CLYBL: variants seen among roughly 807,000 people sequenced by gnomAD.
The protein encoded by CLYBL is citramalyl-CoA lyase, also known as citramalyl-CoA lyase, mitochondrial.
In CLYBL, 31 loss-of-function variants were observed where a neutral mutation model predicts 38.9. The observed-to-expected ratio is 0.80, with a 90% confidence interval of 0.60 to 1.08. CLYBL has a LOEUF of 1.08. Among genes scored for constraint, CLYBL ranks in the 50% least tolerant of loss-of-function variants. CLYBL has a pLI of 0.00. For synonymous variants in CLYBL, 171 were observed against 158.6 expected (o/e 1.08, Z -0.59); for missense variants, 434 against 411.6 (o/e 1.05, Z -0.47).
chr13:99,800,310 G>T (rs969714721), intron 2 of CLYBL, among the ~76,000 whole-genome samples: 1 of 152,214 alleles, frequency 6.6e-6, no homozygotes, highest in Admixed American at 6.5e-5. Context: ...TTTTTGGGGA[G>T]AAATTTAAGG....
At chr13:99,846,579 A>G (rs1042863774) in intron 2 of CLYBL, among the ~76,000 whole-genome samples, 18 of 152,226 alleles carry the variant, frequency 1.2e-4, no homozygotes, top group Admixed American at 6.5e-5. Context: ...GCTGCTGAAT[A>G]TAAAGAATCC....
intron 1 of CLYBL, among the ~76,000 whole-genome samples, chr13:99,746,963 G>A (rs536349607): frequency 1.3e-4 from 20 of 152,282 alleles, no homozygotes; most frequent in South Asian, 1.0e-3. Context: ...GATGCTAATC[G>A]CATTGTGTGC....
intron 1 of CLYBL, among the ~76,000 whole-genome samples, chr13:99,727,046 C>T (rs2048487054): frequency 6.6e-6 from 1 of 152,026 alleles, no homozygotes; most frequent in South Asian, 2.1e-4. Context: ...GAAATCCCAA[C>T]TACTCGGGAG....
At chr13:99,635,497 G>A (rs1159279952) in intron 1 of CLYBL, among the ~76,000 whole-genome samples, 1 of 152,116 alleles carries the variant, frequency 6.6e-6, no homozygotes, top group Non-Finnish European at 1.5e-5. Flanking sequence ...CCTTCCACAT[G>A]TTCAGCCCTC....
rs1260332084 is a variant in CLYBL, at chr13:99,716,787, C to CTTTTTT, written c.63-56021_63-56016dup. Reference sequence around the variant, plus strand: ...CTCTTACTTTAATTTCTTTTCTTTTCTTTTTTTTTTTTTTTTTTTTTGAGA... The same window carrying CTTTTTT: ...CTCTTACTTTAATTTCTTTTCTTTTCTTTTTTTTTTTTTTTTTTTTTTTTTTTGAGA... On this transcript the variant is annotated intron_variant, in intron 1 of 8. Coordinates refer to ENST00000339105, the MANE Select transcript of CLYBL (RefSeq NM_206808.5). Among the ~76,000 whole-genome samples, 238 of 100,860 alleles carry CTTTTTT rather than the reference C, an allele frequency of 2.4e-3. 2 individuals carry two copies. Among genetic ancestry groups the CTTTTTT allele is most frequent in the African/African-American group, 3.5e-3 (92 of 26,232 alleles). 66.2% of individuals were successfully genotyped at this position (100,860 alleles called of 152,430 possible). A position where few individuals can be genotyped will look rare whatever the true frequency, so the allele number is the denominator to read the frequency against.
intron 1 of CLYBL, among the ~76,000 whole-genome samples, chr13:99,718,087 C>T (rs992959047): frequency 6.6e-6 from 1 of 151,870 alleles, no homozygotes; most frequent in African/African-American, 2.4e-5. Context: ...CTAAGTTGCC[C>T]AGGCTGGTCT....
At chr13:99,731,866 C>T (rs537704257) in intron 1 of CLYBL, among the ~76,000 whole-genome samples, 48 of 152,196 alleles carry the variant, frequency 3.2e-4, no homozygotes, top group South Asian at 1.7e-3. Flanking sequence ...ACTTAGCTTT[C>T]GTATCTCAGG....
rs770111796 is a variant in CLYBL, at chr13:99,614,215, C to T, written c.62+7458C>T. On this transcript the variant is annotated intron_variant, in intron 1 of 8. Transcript: ENST00000339105. The stretch of plus-strand genomic sequence containing the variant: ...AAGACCAGTGGTCCAAGATGGTAGA[C>T]CACAGGTTCAAGAACTGGAGCAAGA... Among the ~76,000 whole-genome samples, 6 of 152,226 alleles carry T rather than the reference C, an allele frequency of 3.9e-5. 1 individual carries two copies. The East Asian group carries it at 5.8e-4, about 15-fold the overall frequency.
intron 7 of CLYBL, among the ~76,000 whole-genome samples, chr13:99,873,879 A>G (rs908344014): frequency 6.6e-6 from 1 of 152,110 alleles, no homozygotes; most frequent in African/African-American, 2.4e-5. Context: ...AATTTTGGGG[A>G]TGTTTATTTT....
intron 1 of CLYBL, among the ~76,000 whole-genome samples, chr13:99,716,187 T>C (rs1386163362): frequency 8.4e-6 from 1 of 118,888 alleles, no homozygotes; most frequent in Non-Finnish European, 1.8e-5. Flanking sequence ...TTTTTTTTTT[T>C]TTTTTTTTTT....
At chr13:99,774,715 A>G (rs1329405027) in intron 2 of CLYBL, among the ~76,000 whole-genome samples, 3 of 152,236 alleles carry the variant, frequency 2.0e-5, no homozygotes, top group Non-Finnish European at 4.4e-5. Flanking sequence ...AAGGCTTTCC[A>G]AGTATTTGGA....
rs577929036 is a variant in CLYBL, at chr13:99,718,615, A to G, written c.63-54209A>G. Among the ~76,000 whole-genome samples the G allele has an allele frequency of 6.6e-5, 10 of 152,276 alleles. No homozygotes were observed. The East Asian group carries it at 1.3e-3, about 21-fold the overall frequency. On this transcript the variant is annotated intron_variant, in intron 1 of 8. Coordinates refer to ENST00000339105, the MANE Select transcript of CLYBL (RefSeq NM_206808.5). Reference sequence around the variant, plus strand: ...TTCAAGTCTTACTAAATTTATGTCCATTAGATCTATCCATTTCTGCTTCTG... The same window carrying G: ...TTCAAGTCTTACTAAATTTATGTCCGTTAGATCTATCCATTTCTGCTTCTG...
intron 1 of CLYBL, among the ~76,000 whole-genome samples, chr13:99,674,645 C>T (rs1158541345): frequency 6.6e-6 from 1 of 152,122 alleles, no homozygotes; most frequent in Non-Finnish European, 1.5e-5. Flanking sequence ...CCCAAGGCAA[C>T]CACTAATCTA....
chr13:99,840,606 C>G (rs1234038009), intron 2 of CLYBL, among the ~76,000 whole-genome samples: 1 of 151,746 alleles, frequency 6.6e-6, no homozygotes, highest in East Asian at 1.9e-4. Flanking sequence ...AAAAATTAGC[C>G]AGGCGTGGGG....
intron 2 of CLYBL, among the ~76,000 whole-genome samples, chr13:99,783,654 C>T (rs769929373): frequency 2.6e-5 from 4 of 151,798 alleles, no homozygotes; most frequent in Non-Finnish European, 5.9e-5. Flanking sequence ...ACCTTGTTAA[C>T]GAGGATGGTC....
intron 1 of CLYBL, among the ~76,000 whole-genome samples, chr13:99,676,696 C>A (rs1336687430): frequency 6.6e-6 from 1 of 151,934 alleles, no homozygotes; most frequent in Non-Finnish European, 1.5e-5. Context: ...CAGGTTCAAG[C>A]GATTCTCCTG....
intron 1 of CLYBL, among the ~76,000 whole-genome samples, chr13:99,633,534 C>CAAAAAAA (rs71215536): frequency 8.2e-6 from 1 of 121,690 alleles, no homozygotes; most frequent in African/African-American, 3.2e-5. Flanking sequence ...GACTCTGTCT[C>CAAAAAAA]AAAAAAAAAA....
At chr13:99,713,676 T>C (rs2048269454) in intron 1 of CLYBL, among the ~76,000 whole-genome samples, 1 of 151,690 alleles carries the variant, frequency 6.6e-6, no homozygotes, top group East Asian at 1.9e-4. Flanking sequence ...TCATGTTCTC[T>C]AATGTTTCTG....
chr13:99,676,186 G>GTCCGTCCGTCCTTCCTTCCT (rs1459044000), intron 1 of CLYBL, among the ~76,000 whole-genome samples: 103 of 133,088 alleles, frequency 7.7e-4, no homozygotes, highest in East Asian at 1.9e-3. Flanking sequence ...CCCTCCGTCC[G>GTCCGTCCGTCCTTCCTTCCT]TCCTTCCTTC....
Sources: gnomAD v4.1 joint callset for allele counts (sites outside exome capture counted in the v4.1 genomes callset) on GRCh38, gnomAD v4.1.1 for gene constraint, MANE v1.5 for transcripts, NCBI Gene and HGNC (gene_info 2026-07-23, HGNC 2026-07-21) for gene names.